TNRC6A: variants seen among roughly 807,000 people sequenced by gnomAD.
The protein encoded by TNRC6A is trinucleotide repeat-containing gene 6A protein.
In TNRC6A, 44 loss-of-function variants were observed where a neutral mutation model predicts 221.2. The observed-to-expected ratio is 0.20, with a 90% CI of 0.16 to 0.26. The LOEUF (loss-of-function observed/expected upper bound fraction) is 0.26, where lower values mean the gene tolerates loss of function less well. Ranked by LOEUF, TNRC6A falls within the 10% of genes least tolerant of loss-of-function variation. The probability of loss-of-function intolerance (pLI) is 1.00; values close to 1 mark genes in which losing one functional copy is unlikely to be tolerated. For synonymous variants in TNRC6A, 847 were observed against 838.5 expected (o/e 1.01, Z -0.18); for missense variants, 2,199 against 2,404.4 (o/e 0.91, Z 1.79).
At chr16:24,632,872 G>A (rs951327276) in intron 1 of TNRC6A, among the ~76,000 whole-genome samples, 3 of 152,004 alleles carry the variant, frequency 2.0e-5, no homozygotes, top group Non-Finnish European at 2.9e-5. Context: ...AGCTGGGTGC[G>A]GTGGTGCATG....
chr16:24,818,460 C>T (rs2058698543), intron 20 of TNRC6A, 133 bp from the exon 21 acceptor site: 3 of 687,406 alleles, frequency 4.4e-6, no homozygotes, highest in African/African-American at 3.6e-5. Context: ...GTCTCGGGCA[C>T]CATCTTACCC....
chr16:24,664,768 A>ATC (rs1477818766), intron 2 of TNRC6A: 19 of 282,306 alleles, frequency 6.7e-5, no homozygotes, highest in Middle Eastern at 1.1e-3. Context: ...TAATCCCCAA[A>ATC]TCACACACAC....
intron 1 of TNRC6A, among the ~76,000 whole-genome samples, chr16:24,624,138 C>G (rs997296816): frequency 1.3e-5 from 2 of 152,088 alleles, no homozygotes; most frequent in Non-Finnish European, 2.9e-5. Context: ...CGGGGTAAGT[C>G]CACTCCATTC....
intron 15 of TNRC6A, among the ~76,000 whole-genome samples, chr16:24,805,995 G>T (rs1302383573): frequency 6.6e-6 from 1 of 152,156 alleles, no homozygotes; most frequent in Non-Finnish European, 1.5e-5. Context: ...TTTCTCTGTT[G>T]AAGTGAAAGT....
At chr16:24,695,288 C>A (rs1386209463) in intron 2 of TNRC6A, among the ~76,000 whole-genome samples, 1 of 152,104 alleles carries the variant, frequency 6.6e-6, no homozygotes, top group Non-Finnish European at 1.5e-5. Context: ...ATAAAATAAT[C>A]CCAAGTTATG....
chr16:24,756,782 A>C (rs1283933426), intron 3 of TNRC6A, among the ~76,000 whole-genome samples: 4 of 152,050 alleles, frequency 2.6e-5, no homozygotes, highest in Non-Finnish European at 5.9e-5. Flanking sequence ...CGTGAGCTGC[A>C]CCTGGCCTAC....
chr16:24,671,137 C>T (rs1043582773), intron 2 of TNRC6A: 4 of 228,934 alleles, frequency 1.7e-5, no homozygotes, highest in Non-Finnish European at 3.9e-5. Flanking sequence ...AAGCACCCGC[C>T]TGCTCCCTGG....
intron 2 of TNRC6A, among the ~76,000 whole-genome samples, chr16:24,734,806 C>T (rs1305751039): frequency 2.0e-5 from 3 of 152,126 alleles, no homozygotes; most frequent in South Asian, 4.1e-4. Flanking sequence ...CTATCATGTA[C>T]TAAATGTGTT....
chr16:24,812,130 A>G (rs1172791575), intron 18 of TNRC6A, among the ~76,000 whole-genome samples: 1 of 138,810 alleles, frequency 7.2e-6, no homozygotes, highest in Non-Finnish European at 1.5e-5. Flanking sequence ...GCTCACTGCA[A>G]CCCTCGTCTC....
At chr16:24,701,238 G>C (rs1024451470) in intron 2 of TNRC6A, among the ~76,000 whole-genome samples, 2 of 152,224 alleles carry the variant, frequency 1.3e-5, no homozygotes, top group African/African-American at 4.8e-5. Flanking sequence ...GGGGACTGCA[G>C]GGGGAGCTTC....
chr16:24,733,481 G>T (rs928660651), intron 2 of TNRC6A, among the ~76,000 whole-genome samples: 2 of 152,126 alleles, frequency 1.3e-5, no homozygotes, highest in African/African-American at 4.8e-5. Flanking sequence ...AGTATCATGG[G>T]AGCCATAATA....
rs1555495693 is a variant in TNRC6A at position 24,729,704 on chromosome 16, GGCGGCGGCGGCGGCA to G, written c.-133_-119del. On this transcript the variant is annotated 5_prime_UTR_variant, in exon 1 of 25. Transcript: ENST00000395799. ...CGGTGTCGGCGGCGGCGGCGGCGGC[GGCGGCGGCGGCGGCA>G]GCGGGTCGGTGTAGAAAATGGCGCT... is the stretch of plus-strand genomic sequence containing the variant. 4 of 1,038,414 alleles carry G rather than the reference GGCGGCGGCGGCGGCA, an allele frequency of 3.9e-6. No homozygotes were observed. Among genetic ancestry groups the G allele is most frequent in the South Asian group, 3.1e-5 (1 of 32,150 alleles). The allele number at this position is 1,038,414 out of a possible 1,614,324, so 64.3% of individuals were successfully genotyped here. A position where few individuals can be genotyped will look rare whatever the true frequency, so the allele number is the denominator to read the frequency against.
At chr16:24,693,097 C>T (rs9922232) in intron 2 of TNRC6A, among the ~76,000 whole-genome samples, 84,236 of 151,864 alleles carry the variant, frequency 0.55, 23,853 homozygotes, top group African/African-American at 0.67. Flanking sequence ...TAGTGAGATA[C>T]TGACTCATTT....
upstream of TNRC6A, among the ~76,000 whole-genome samples, chr16:24,725,279 C>T (rs764897126): frequency 6.6e-6 from 1 of 152,024 alleles, no homozygotes; most frequent in Non-Finnish European, 1.5e-5. Flanking sequence ...CTCAAGCGAT[C>T]CTCCCACCTC....
intron 11 of TNRC6A, 185 bp from the exon 12 acceptor site, chr16:24,803,992 C>A: frequency 1.8e-6 from 1 of 554,184 alleles, no homozygotes; most frequent in South Asian, 2.9e-5. Context: ...ATAACAGTAT[C>A]TCCTAATTGC....
At chr16:24,762,523 TTTAG>T (rs2057385838) in intron 4 of TNRC6A, among the ~76,000 whole-genome samples, 2 of 152,220 alleles carry the variant, frequency 1.3e-5, no homozygotes, top group African/African-American at 4.8e-5. Context: ...TAAGAGTTAC[TTTAG>T]TTACTGAATT....
chr16:24,692,119 C>T (rs189901678), intron 2 of TNRC6A, among the ~76,000 whole-genome samples: 47 of 152,248 alleles, frequency 3.1e-4, no homozygotes, highest in African/African-American at 1.1e-3. Flanking sequence ...ATGGGGTTTC[C>T]ATGCTACAGG....
chr16:24,630,197 G>T (rs978844674), intron 1 of TNRC6A, among the ~76,000 whole-genome samples: 2 of 152,128 alleles, frequency 1.3e-5, no homozygotes, highest in Non-Finnish European at 2.9e-5. Context: ...TATAGTAGAG[G>T]AATTCTCCAT....
At chr16:24,665,637 G>A (rs1182946075) in intron 2 of TNRC6A, among the ~76,000 whole-genome samples, 2 of 152,136 alleles carry the variant, frequency 1.3e-5, no homozygotes, top group African/African-American at 2.4e-5. Flanking sequence ...TTGGTAGATT[G>A]TAGGATGTTT....
Sources: allele counts gnomAD v4.1 joint callset (sites outside exome capture counted in the v4.1 genomes callset), GRCh38; gene constraint gnomAD v4.1.1; transcripts MANE v1.5; gene names NCBI Gene and HGNC (gene_info 2026-07-23, HGNC 2026-07-21).